Variants in CLEC2A observed in about 807,000 individuals in gnomAD.
CLEC2A encodes the protein C-type lectin domain family 2 member A.
In CLEC2A, 19 loss-of-function variants were observed where a neutral mutation model predicts 18.6. The ratio of observed to expected loss-of-function variants is 1.02; its 90% CI spans 0.71 to 1.50. The LOEUF (loss-of-function observed/expected upper bound fraction) is 1.50. Ranked by LOEUF, CLEC2A falls within the 40% of genes most tolerant of loss-of-function variation. CLEC2A has a pLI of 0.00. For missense variants in CLEC2A, 190 were observed against 207.9 expected (o/e 0.91, Z 0.53); for synonymous variants, 74 against 64.0 (o/e 1.16, Z -0.75).
At chr12:9,892,015 A>G in the CLEC2A span, among the ~76,000 whole-genome samples, 16 of 152,254 alleles carry the variant, frequency 1.1e-4, no homozygotes, top group Non-Finnish European at 1.6e-4. Context: ...TCAAAGATGA[A>G]TATGACAGTC....
chr12:9,881,597 T>C, the CLEC2A span: 2 of 1,530,236 alleles, frequency 1.3e-6, no homozygotes, highest in Non-Finnish European at 1.8e-6. Context: ...TTTGAAGAGA[T>C]GGAGAATGAA....
chr12:9,921,055 T>C (rs919896664), intron 3 of CLEC2A, among the ~76,000 whole-genome samples: 2 of 152,214 alleles, frequency 1.3e-5, no homozygotes, highest in Admixed American at 1.3e-4. Flanking sequence ...CAACAACTTA[T>C]GGCTGTGTCA....
chr12:9,913,745 T>C lies in CLEC2A; in HGVS notation c.411-65A>G, dbSNP rs1863024491. ...CGGCTGTAATCAAAAAGACAATTAA[T>C]AATAGAGTGATTTTAAATATATTAT... On this transcript the variant is annotated intron_variant, in intron 4 of 4. Transcript: ENST00000455827. The C allele has an allele frequency of 5.9e-5, 61 of 1,036,514 alleles. 1 individual carries two copies. The South Asian group carries it at 8.8e-4, about 15-fold the overall frequency. 64.2% of individuals were successfully genotyped at this position (1,036,514 alleles called of 1,614,324 possible). A position where few individuals can be genotyped will look rare whatever the true frequency, so the allele number is the denominator to read the frequency against.
chr12:9,923,852 C>T (rs1863217056), intron 2 of CLEC2A, among the ~76,000 whole-genome samples: 1 of 152,028 alleles, frequency 6.6e-6, no homozygotes, highest in Admixed American at 6.5e-5. Flanking sequence ...ACCACATGTT[C>T]TCACTCATAG....
the CLEC2A span, chr12:9,881,747 T>A: frequency 4.1e-6 from 4 of 981,320 alleles, no homozygotes; most frequent in Admixed American, 8.5e-5. Flanking sequence ...ATTTTTAACA[T>A]CTTAACATTG....
At chr12:9,884,313 C>G in the CLEC2A span, among the ~76,000 whole-genome samples, 1 of 151,860 alleles carries the variant, frequency 6.6e-6, no homozygotes, top group African/African-American at 2.4e-5. Context: ...AATTGGAGAT[C>G]TAATACTACC....
At chr12:9,904,878 G>A (rs148919872) in intron 4 of CLEC2A, among the ~76,000 whole-genome samples, 226 of 152,318 alleles carry the variant, frequency 1.5e-3, no homozygotes, top group African/African-American at 5.3e-3. Flanking sequence ...CACCGTCCAT[G>A]TTGGGTGGTC....
At chr12:9,920,506 C>G (rs755854916) in intron 3 of CLEC2A, among the ~76,000 whole-genome samples, 21 of 152,222 alleles carry the variant, frequency 1.4e-4, no homozygotes, top group Non-Finnish European at 2.6e-4. Context: ...GGGGAGTTCC[C>G]CTGGCTCCAT....
At chr12:9,899,240 G>T (rs1290011858) in intron 4 of CLEC2A, among the ~76,000 whole-genome samples, 1 of 152,142 alleles carries the variant, frequency 6.6e-6, no homozygotes, top group Non-Finnish European at 1.5e-5. Flanking sequence ...CACTTTAAAG[G>T]ATGTATCTGA....
the CLEC2A span, among the ~76,000 whole-genome samples, chr12:9,879,442 G>A: frequency 2.6e-5 from 4 of 152,172 alleles, no homozygotes; most frequent in African/African-American, 7.2e-5. Flanking sequence ...CACCTAAACC[G>A]GAGGAAACTT....
chr12:9,887,059 C>CA, the CLEC2A span, among the ~76,000 whole-genome samples: 5 of 151,674 alleles, frequency 3.3e-5, no homozygotes, highest in Admixed American at 2.6e-4. Context: ...GATGGAAAAT[C>CA]AAAAAATGCC....
chr12:9,912,402 C>T (rs1863000497), downstream of CLEC2A, among the ~76,000 whole-genome samples: 1 of 152,118 alleles, frequency 6.6e-6, no homozygotes, highest in Non-Finnish European at 1.5e-5. Context: ...GGCCTTTCCC[C>T]TGACCCTTAG....
chr12:9,902,580 C>T (rs112598493), intron 4 of CLEC2A, among the ~76,000 whole-genome samples: 227 of 151,468 alleles, frequency 1.5e-3, no homozygotes, highest in African/African-American at 5.4e-3. Context: ...CCGGGCAACC[C>T]GCTCGGGTCC....
chr12:9,931,613 T>C (rs930621285), intron 1 of CLEC2A, among the ~76,000 whole-genome samples: 2 of 152,212 alleles, frequency 1.3e-5, no homozygotes, highest in African/African-American at 4.8e-5. Flanking sequence ...GCCCTGGGAA[T>C]TCATATCAGT....
chr12:9,927,912 C>A (rs1281876875), intron 1 of CLEC2A, among the ~76,000 whole-genome samples: 3 of 150,944 alleles, frequency 2.0e-5, no homozygotes, highest in African/African-American at 4.9e-5. Flanking sequence ...TTTCAGACAC[C>A]CAAAATAGTA....
intron 4 of CLEC2A, among the ~76,000 whole-genome samples, chr12:9,913,911 T>C (rs1177882669): frequency 1.3e-5 from 2 of 152,196 alleles, no homozygotes; most frequent in African/African-American, 2.4e-5. Context: ...AACTTGTAGA[T>C]AGGCAGATAG....
the CLEC2A span, chr12:9,884,907 C>A: frequency 1.3e-6 from 1 of 762,806 alleles, no homozygotes; most frequent in Non-Finnish European, 1.9e-6. Context: ...TGAATAATCA[C>A]AAGAATTCTA....
chr12:9,881,331 T>G, the CLEC2A span, among the ~76,000 whole-genome samples: 1 of 152,228 alleles, frequency 6.6e-6, no homozygotes, highest in Non-Finnish European at 1.5e-5. Context: ...GTCCATTTGT[T>G]GAAAACAGTG....
chr12:9,922,206 C>T lies in CLEC2A; in HGVS notation c.166G>A (p.Val56Met). Reference protein sequence around the residue: ...IATWSKHAKPVACSGDWLGVR... With the variant: ...IATWSKHAKPMACSGDWLGVR... ...CCAAGCCAGTCCCCTGAACATGCCA[C>T]AGGTTTAGCATGCTTGGACCATGTG... is the stretch of plus-strand genomic sequence containing the variant. The change falls in exon 3 of 5, where the codon GTG (valine) becomes ATG (methionine). Residue 56 changes from valine to methionine, a missense_variant. Val to Met is a conservative substitution (Grantham distance 21). Transcript: ENST00000455827. 1 of 1,547,764 alleles carries T rather than the reference C, an allele frequency of 6.5e-7. No individual in the cohort carries two copies. Among genetic ancestry groups the T allele is most frequent in the Non-Finnish European group, 8.7e-7 (1 of 1,145,244 alleles).
Sources: allele counts gnomAD v4.1 joint callset (sites outside exome capture counted in the v4.1 genomes callset), GRCh38; gene constraint gnomAD v4.1.1; transcripts MANE v1.5; gene names NCBI Gene and HGNC (gene_info 2026-07-23, HGNC 2026-07-21).